The following CMKLR1 variants were observed in gnomAD, a reference collection of about 807,000 sequenced individuals.
CMKLR1 encodes the protein chemerin chemokine-like receptor 1.
In CMKLR1, 6 loss-of-function variants were observed where a neutral mutation model predicts 8.2. That is an observed-to-expected ratio of 0.73 (90% CI 0.40 to 1.44). The LOEUF is 1.44. Among genes scored for constraint, CMKLR1 ranks in the 40% most tolerant of loss-of-function variants. The pLI is 0.02. For synonymous variants in CMKLR1, 178 were observed against 181.2 expected (o/e 0.98, Z 0.14); for missense variants, 429 against 478.0 (o/e 0.90, Z 0.96).
Position 108,291,614 on chromosome 12 carries a change from AAGAAGCAT to A in CMKLR1, c.*219_*226del. 9.5e-6 allele frequency: 5 copies of A among 527,944 alleles called. No individual in the cohort carries two copies. The South Asian group carries it at 1.4e-4, about 15-fold the overall frequency. The allele number at this position is 527,944 out of a possible 1,614,324, so 32.7% of individuals were successfully genotyped here. ...TTGAGTCAGTCAAGGCTGGCCTCCC[AAGAAGCAT>A]AAATTGCTAGTCCAAGGCTGTATGG... On this transcript the variant is annotated 3_prime_UTR_variant, in exon 4 of 4. Coordinates refer to ENST00000550402, the MANE Select transcript of CMKLR1 (RefSeq NM_001142343.2).
At chr12:108,316,188 C>T (rs1051576282) in intron 2 of CMKLR1, among the ~76,000 whole-genome samples, 1 of 152,176 alleles carries the variant, frequency 6.6e-6, no homozygotes, top group Non-Finnish European at 1.5e-5. Context: ...CCTTCTGAGC[C>T]CTGTGTGGCT....
chr12:108,305,096 A>G (rs1004136789), intron 2 of CMKLR1, among the ~76,000 whole-genome samples: 7 of 152,194 alleles, frequency 4.6e-5, no homozygotes, highest in Non-Finnish European at 7.3e-5. Flanking sequence ...TCGGAGGACC[A>G]TCTCTTGTAG....
At chr12:108,299,907 C>G (rs1002447206) in intron 2 of CMKLR1, among the ~76,000 whole-genome samples, 3 of 152,162 alleles carry the variant, frequency 2.0e-5, no homozygotes, top group African/African-American at 7.2e-5. Flanking sequence ...GTTATGGCAG[C>G]GCTGGAAAAC....
At chr12:108,298,770 G>T (rs1235135626) in intron 2 of CMKLR1, among the ~76,000 whole-genome samples, 1 of 152,176 alleles carries the variant, frequency 6.6e-6, no homozygotes, top group Non-Finnish European at 1.5e-5. Context: ...CATTCTCCAG[G>T]CCCAGCACCA....
In CMKLR1 at chr12:108,296,027, G is replaced by A. The variant is rs367737280; in HGVS notation, c.-73-2363C>T. On this transcript the variant is annotated intron_variant, in intron 2 of 3. Coordinates refer to ENST00000550402, the MANE Select transcript of CMKLR1 (RefSeq NM_001142343.2). ...GATTCGTGTCCCCTGTTGGTGCATC[G>A]CCCCCACCCCAAGACGCCTCTCTCT... Among the ~76,000 whole-genome samples the A allele has an allele frequency of 1.8e-4, 27 of 152,154 alleles. No individual in the cohort carries two copies. The East Asian group carries it at 4.1e-3, about 23-fold the overall frequency.
chr12:108,309,911 G>A (rs1891505779), intron 2 of CMKLR1, among the ~76,000 whole-genome samples: 1 of 152,218 alleles, frequency 6.6e-6, no homozygotes, highest in South Asian at 2.1e-4. Flanking sequence ...GAGCACGTAT[G>A]TCTTTGTGGA....
chr12:108,316,929 G>A (rs539427523), intron 2 of CMKLR1, among the ~76,000 whole-genome samples: 97 of 152,248 alleles, frequency 6.4e-4, no homozygotes, highest in Non-Finnish European at 5.7e-4. Flanking sequence ...CTCCTGAGTA[G>A]CTAGGACTAC....
At chr12:108,322,255 G>A (rs1347530219) in intron 2 of CMKLR1, among the ~76,000 whole-genome samples, 1 of 152,156 alleles carries the variant, frequency 6.6e-6, no homozygotes, top group Admixed American at 6.5e-5. Flanking sequence ...CCCTTACCTG[G>A]TGCATACCTC....
At position 108,290,366 on chromosome 12, in the gene CMKLR1, T is replaced by TAGGAGGAA. The variant is rs1566015584; in HGVS notation, c.*1474_*1475insTTCCTCCT. 1.3e-5 allele frequency: 2 copies of TAGGAGGAA among 152,146 alleles called. No individual in the cohort carries two copies. Among genetic ancestry groups the TAGGAGGAA allele is most frequent in the Non-Finnish European group, 2.9e-5 (2 of 68,034 alleles). The allele number at this position is 152,146 out of a possible 1,614,324, so 9.4% of individuals were successfully genotyped here. ...CTCTCTAAGCCTCAGATTCCTCCTA[T>TAGGAGGAA]GTAAAAGGGAAGTTATAACCATACC... On this transcript the variant is annotated 3_prime_UTR_variant, in exon 4 of 4. Coordinates refer to ENST00000550402, the MANE Select transcript of CMKLR1 (RefSeq NM_001142343.2).
chr12:108,336,950 C>T (rs904189362), intron 1 of CMKLR1, among the ~76,000 whole-genome samples: 1 of 152,148 alleles, frequency 6.6e-6, no homozygotes, highest in Admixed American at 6.5e-5. Flanking sequence ...ATCATATTCC[C>T]ATTTTATAGA....
chr12:108,288,469 C>T lies in CMKLR1; in HGVS notation c.*3372G>A, dbSNP rs1412076390. On this transcript the variant is annotated 3_prime_UTR_variant, in exon 4 of 4. Coordinates refer to ENST00000550402, the MANE Select transcript of CMKLR1 (RefSeq NM_001142343.2). ...TCCCACCCATCCAGGCTCCCAACCC[C>T]ACCAGAGCTGACTCTGGGGTCGAAT... 6.6e-6 allele frequency: 1 copy of T among 152,294 alleles called. No individual in the cohort carries two copies. The highest frequency in any genetic ancestry group is 1.9e-4 in the East Asian group (1 of 5,194). The allele number at this position is 152,294 out of a possible 1,614,324, so 9.4% of individuals were successfully genotyped here.
chr12:108,303,009 C>A (rs1401062459), intron 2 of CMKLR1, among the ~76,000 whole-genome samples: 1 of 152,204 alleles, frequency 6.6e-6, no homozygotes, highest in Non-Finnish European at 1.5e-5. Flanking sequence ...CAAACAAACA[C>A]TCCGATCCCT....
chr12:108,298,905 C>A (rs753838058), intron 2 of CMKLR1, among the ~76,000 whole-genome samples: 1 of 152,236 alleles, frequency 6.6e-6, no homozygotes, highest in Admixed American at 6.5e-5. Context: ...GGGACGGTCC[C>A]AGGAGGGCTC....
At chr12:108,324,224 A>G (rs888078324) in intron 2 of CMKLR1, among the ~76,000 whole-genome samples, 2 of 152,194 alleles carry the variant, frequency 1.3e-5, no homozygotes, top group Non-Finnish European at 2.9e-5. Flanking sequence ...TGTCCAGGAA[A>G]TGTGGCCTGG....
intron 2 of CMKLR1, among the ~76,000 whole-genome samples, chr12:108,311,082 T>C (rs1307247930): frequency 2.6e-5 from 4 of 152,096 alleles, no homozygotes; most frequent in Non-Finnish European, 5.9e-5. Flanking sequence ...ACTGCTGCTA[T>C]GCCTTCAATT....
intron 2 of CMKLR1, among the ~76,000 whole-genome samples, chr12:108,317,066 G>A (rs1037259797): frequency 1.3e-5 from 2 of 152,184 alleles, no homozygotes; most frequent in Non-Finnish European, 2.9e-5. Context: ...GCCTTCCAAA[G>A]GGCTGGGAAT....
intron 2 of CMKLR1, among the ~76,000 whole-genome samples, chr12:108,326,637 G>C (rs1412512887): frequency 1.3e-5 from 2 of 152,240 alleles, no homozygotes. Context: ...GAAGGGGACT[G>C]GGAGAACAGG....
chr12:108,311,284 A>ATGTG (rs1195069496), intron 2 of CMKLR1, among the ~76,000 whole-genome samples: 3 of 83,450 alleles, frequency 3.6e-5, no homozygotes, highest in Non-Finnish European at 5.0e-5. Flanking sequence ...GTTGACATGA[A>ATGTG]TGTGTGTATG....
At chr12:108,308,671 G>T (rs913135475) in intron 2 of CMKLR1, among the ~76,000 whole-genome samples, 5 of 152,184 alleles carry the variant, frequency 3.3e-5, no homozygotes, top group African/African-American at 1.2e-4. Flanking sequence ...GACGGGCAAG[G>T]CAGGGGCCCC....
Sources: allele counts gnomAD v4.1 joint callset (sites outside exome capture counted in the v4.1 genomes callset), GRCh38; gene constraint gnomAD v4.1.1; transcripts MANE v1.5; gene names NCBI Gene and HGNC (gene_info 2026-07-23, HGNC 2026-07-21).